Variants in UGT1A5 observed in about 807,000 individuals in gnomAD.
UGT1A5 encodes UDP-glucuronosyltransferase 1A5.
A neutral mutation model predicts 40.3 loss-of-function variants in UGT1A5; 29 were observed. The ratio of observed to expected loss-of-function variants is 0.72; its 90% CI spans 0.54 to 0.98. The LOEUF (loss-of-function observed/expected upper bound fraction) is 0.98, where lower values mean the gene tolerates loss of function less well. Ranked by LOEUF, UGT1A5 falls within the 50% of genes least tolerant of loss-of-function variation. The probability of loss-of-function intolerance (pLI) is 0.00; values close to 1 mark genes in which losing one functional copy is unlikely to be tolerated. For synonymous variants in UGT1A5, 257 were observed against 262.5 expected (o/e 0.98, Z 0.20); for missense variants, 678 against 677.9 (o/e 1.00, Z 0.00).
intron 1 of UGT1A5, among the ~76,000 whole-genome samples, chr2:233,737,662 C>T (rs972377767): frequency 1.3e-5 from 2 of 152,186 alleles, no homozygotes; most frequent in East Asian, 1.9e-4. Flanking sequence ...AGCTGCAGAT[C>T]GGAGCTGTTC....
In UGT1A5 at chr2:233,772,799, AT is replaced by A; in HGVS notation, c.*245del. 3 of 1,169,378 alleles carry A rather than the reference AT, an allele frequency of 2.6e-6. No homozygotes were observed. The highest frequency in any genetic ancestry group is 3.4e-6 in the Non-Finnish European group (3 of 874,384). 72.4% of individuals were successfully genotyped at this position (1,169,378 alleles called of 1,614,324 possible). ...GTCTTTGATCAGGATGACATGTGCC[AT>A]TTTTCAGAGGACGTGCAGACAGGCT... is the stretch of plus-strand genomic sequence containing the variant. On this transcript the variant is annotated 3_prime_UTR_variant, in exon 5 of 5. Transcript: ENST00000373414.
intron 1 of UGT1A5, among the ~76,000 whole-genome samples, chr2:233,716,135 T>C (rs758883944): frequency 1.1e-4 from 16 of 152,340 alleles, no homozygotes; most frequent in Middle Eastern, 3.4e-3. Flanking sequence ...TGGAATTCCA[T>C]GGCCCTTTTC....
rs145951104 is a variant in UGT1A5 at position 233,713,763 on chromosome 2, C to T, written c.772C>T (p.Arg258Ter). 2.9e-5 allele frequency: 46 copies of T among 1,613,764 alleles called. No individual in the cohort carries two copies. The highest frequency in any genetic ancestry group is 1.5e-4 in the Admixed American group (9 of 59,980). Residue 258 changes from arginine (R) to a stop codon, truncating the protein, a stop_gained, in exon 1 of 5, where the codon CGA (arginine) becomes TGA (stop). Coordinates refer to ENST00000373414, the MANE Select transcript of UGT1A5 (RefSeq NM_019078.2). LOFTEE classifies it high-confidence loss of function. ...CAGCCATGCATCTGTGTGGCTGTTC[C>T]GAGGGGACTTTGTGATGGATTACCC... ...LVSHASVWLFRGDFVMDYPRP... is the reference protein window; with the variant it reads ...LVSHASVWLF
chr2:233,766,968 C>G, intron 1 of UGT1A5, 66 bp from the exon 2 acceptor site: 2 of 1,609,596 alleles, frequency 1.2e-6, no homozygotes, highest in Non-Finnish European at 1.7e-6. Context: ...TAATTCATAA[C>G]TTACTGTATG....
intron 1 of UGT1A5, among the ~76,000 whole-genome samples, chr2:233,720,593 A>G (rs12468543): frequency 0.08 from 12,154 of 152,072 alleles, 627 homozygotes; most frequent in East Asian, 0.2. Context: ...TTCAGAGGTG[A>G]CTTTCATTAA....
chr2:233,717,316 T>A (rs2076563211), intron 1 of UGT1A5, among the ~76,000 whole-genome samples: 1 of 152,198 alleles, frequency 6.6e-6, no homozygotes, highest in African/African-American at 2.4e-5. Context: ...TTTCTAGCAC[T>A]CTGTGTCCTC....
rs1014873450 is a variant in UGT1A5, at chr2:233,765,562, T to G, written c.868-1472T>G. Among the ~76,000 whole-genome samples, 9 of 151,822 alleles carry G rather than the reference T, an allele frequency of 5.9e-5. No homozygotes were observed. In the East Asian group the frequency reaches 1.7e-3, roughly 29 times the overall value. Reference sequence around the variant, plus strand: ...ATAAGTGGGAGTTGAACAGTGAGAATGCGTAGACGCAGGGAGGGGAACAAC... The same window carrying G: ...ATAAGTGGGAGTTGAACAGTGAGAAGGCGTAGACGCAGGGAGGGGAACAAC... On this transcript the variant is annotated intron_variant, in intron 1 of 4. Transcript: ENST00000373414.
In UGT1A5 at chr2:233,752,740, G is replaced by C. The variant is rs146813256; in HGVS notation, c.868-14294G>C. Among the ~76,000 whole-genome samples, 785 of 152,256 alleles carry C rather than the reference G, an allele frequency of 5.2e-3. 4 individuals are homozygous for C. Among genetic ancestry groups the C allele is most frequent in the Non-Finnish European group, 8.2e-3 (561 of 68,032 alleles). On this transcript the variant is annotated intron_variant, in intron 1 of 4. Coordinates refer to ENST00000373414, the MANE Select transcript of UGT1A5 (RefSeq NM_019078.2). ...GGCAACAGCTACAGAGAGAGACCCTGTCTCTAAAACAAACAAACAAACAAA... is the reference window on the plus strand; with the variant it reads ...GGCAACAGCTACAGAGAGAGACCCTCTCTCTAAAACAAACAAACAAACAAA...
At chr2:233,751,245 G>A (rs961434580) in intron 1 of UGT1A5, among the ~76,000 whole-genome samples, 1 of 151,950 alleles carries the variant, frequency 6.6e-6, no homozygotes, top group Admixed American at 6.5e-5. Context: ...TTTTGGACTT[G>A]CATGGGGCCT....
chr2:233,732,301 C>A (rs2078258261), intron 1 of UGT1A5, among the ~76,000 whole-genome samples: 1 of 152,184 alleles, frequency 6.6e-6, no homozygotes, highest in South Asian at 2.1e-4. Flanking sequence ...TTAATTAGAT[C>A]CCATTTGTCT....
At chr2:233,767,602 A>G (rs1699426979) in intron 2 of UGT1A5, among the ~76,000 whole-genome samples, 1 of 152,192 alleles carries the variant, frequency 6.6e-6, no homozygotes, top group Non-Finnish European at 1.5e-5. Flanking sequence ...AGGAAAGTGA[A>G]AAAATCCTAA....
rs770662663 is a variant in UGT1A5, at chr2:233,769,604, A to G, written c.1307+1165A>G. 1.9e-6 allele frequency: 3 copies of G among 1,612,850 alleles called. No homozygotes were observed. In the South Asian group the frequency reaches 3.3e-5, roughly 18 times the overall value. On this transcript the variant is annotated intron_variant, in intron 4 of 4. Transcript: ENST00000373414. The surrounding 1 kb of genome is among the most constrained non-coding windows in gnomAD (Gnocchi z 4.4). ...AGATGAGAGGAGACGGAACACGGGG[A>G]CACACCAGCTTGAGCAAGGGACAAC...
rs766281304 is a variant in UGT1A5 at position 233,769,518 on chromosome 2, T to C, written c.1307+1079T>C. On this transcript the variant is annotated intron_variant, in intron 4 of 4. Coordinates refer to ENST00000373414, the MANE Select transcript of UGT1A5 (RefSeq NM_019078.2). This position sits in a 1 kb window ranked among gnomAD's most constrained non-coding sequence, Gnocchi z 4.4. ...GAGTGTCCATTGCTTTCTCCCATGG[T>C]TACCTCCTTTAGAAAGAAGCAGCAG... The C allele has an allele frequency of 1.2e-6, 2 of 1,612,876 alleles. No homozygotes were observed. Among genetic ancestry groups the C allele is most frequent in the South Asian group, 2.2e-5 (2 of 91,072 alleles).
At position 233,765,498 on chromosome 2, in the gene UGT1A5, A is replaced by T. The variant is rs145381988; in HGVS notation, c.868-1536A>T. Among the ~76,000 whole-genome samples the T allele has an allele frequency of 4.4e-3, 672 of 152,238 alleles. 2 individuals carry two copies. Among genetic ancestry groups the T allele is most frequent in the African/African-American group, 0.015 (643 of 41,546 alleles). On this transcript the variant is annotated intron_variant, in intron 1 of 4. Coordinates refer to ENST00000373414, the MANE Select transcript of UGT1A5 (RefSeq NM_019078.2). ...GGAAGCCATCATCCTCCACAAACTAACACAGGAACAGAAAATCAAACACCG... is the reference window on the plus strand; with the variant it reads ...GGAAGCCATCATCCTCCACAAACTATCACAGGAACAGAAAATCAAACACCG...
intron 1 of UGT1A5, among the ~76,000 whole-genome samples, chr2:233,761,774 C>T (rs1257781750): frequency 1.3e-5 from 2 of 152,222 alleles, no homozygotes; most frequent in Non-Finnish European, 2.9e-5. Context: ...GCATTCACAT[C>T]CTCATCGAAA....
intron 1 of UGT1A5, among the ~76,000 whole-genome samples, chr2:233,728,111 A>G (rs1242261758): frequency 6.6e-6 from 1 of 152,146 alleles, no homozygotes; most frequent in Non-Finnish European, 1.5e-5. Context: ...TTAATTCTCC[A>G]TCTTGAAATT....
chr2:233,752,638 G>C (rs1306157736), intron 1 of UGT1A5: 1 of 152,130 alleles, frequency 6.6e-6, no homozygotes, highest in Non-Finnish European at 1.5e-5. Context: ...TGTTGTCTTA[G>C]TTACTGGGAA....
intron 1 of UGT1A5, among the ~76,000 whole-genome samples, chr2:233,757,449 A>G (rs1402767251): frequency 1.3e-5 from 2 of 150,796 alleles, no homozygotes; most frequent in Admixed American, 6.6e-5. Context: ...ATACAGAAAC[A>G]TGTCCAGAGC....
intron 1 of UGT1A5, among the ~76,000 whole-genome samples, chr2:233,745,825 G>A (rs1307073963): frequency 2.0e-5 from 3 of 151,398 alleles, no homozygotes; most frequent in Non-Finnish European, 2.9e-5. Context: ...GCAAGGCAGA[G>A]GACTCTGAAT....
Sources: allele counts gnomAD v4.1 joint callset (sites outside exome capture counted in the v4.1 genomes callset), GRCh38; gene constraint gnomAD v4.1.1; non-coding constraint Gnocchi (gnomAD v3.1); transcripts MANE v1.5; gene names NCBI Gene and HGNC (gene_info 2026-07-23, HGNC 2026-07-21).